ATP9B: variants seen among roughly 807,000 people sequenced by gnomAD.
The protein encoded by ATP9B is probable phospholipid-transporting ATPase IIB.
A neutral mutation model predicts 146.1 loss-of-function variants in ATP9B; 110 were observed. The ratio of observed to expected loss-of-function variants is 0.75; its 90% CI spans 0.65 to 0.88. The LOEUF (loss-of-function observed/expected upper bound fraction) is 0.88. Ranked by LOEUF, ATP9B falls within the 40% of genes least tolerant of loss-of-function variation. The probability of loss-of-function intolerance (pLI) is 0.00; values close to 1 mark genes in which losing one functional copy is unlikely to be tolerated. For synonymous variants in ATP9B, 604 were observed against 569.7 expected, an observed-to-expected ratio of 1.06 and a Z score of -0.86; for missense variants, 1,499 against 1,496.4, an observed-to-expected ratio of 1.00 and a Z score of -0.03.
chr18:79,223,678 A>G (rs942697398), intron 11 of ATP9B, among the ~76,000 whole-genome samples: 4 of 152,230 alleles, frequency 2.6e-5, no homozygotes, highest in African/African-American at 9.6e-5. Flanking sequence ...TTTGGGGTAC[A>G]TTAGCACAGC....
rs2096381096 is a variant in ATP9B, at chr18:79,281,918, C to T, written c.1411+4722C>T. Among the ~76,000 whole-genome samples the T allele has an allele frequency of 2.0e-5, 3 of 152,328 alleles. No homozygotes were observed. In the South Asian group the frequency reaches 6.2e-4, roughly 32 times the overall value. The stretch of plus-strand genomic sequence containing the variant: ...AATTGAACACCTTCTGGAAAGGATT[C>T]ACGATTCCAGTTGCCATTAAGAACA... On this transcript the variant is annotated intron_variant, in intron 13 of 29. Transcript: ENST00000426216.
At chr18:79,300,938 G>A (rs750308663) in intron 13 of ATP9B, among the ~76,000 whole-genome samples, 8 of 152,248 alleles carry the variant, frequency 5.3e-5, no homozygotes, top group East Asian at 3.9e-4. Flanking sequence ...GCCTCATTAC[G>A]ATTCCCCACC....
intron 11 of ATP9B, among the ~76,000 whole-genome samples, chr18:79,247,421 A>G (rs2095978690): frequency 6.6e-6 from 1 of 152,248 alleles, no homozygotes; most frequent in African/African-American, 2.4e-5. Flanking sequence ...GCCAGTATTG[A>G]CATTTCTCAA....
At chr18:79,093,421 G>A (rs1002653155) in intron 1 of ATP9B, among the ~76,000 whole-genome samples, 4 of 152,184 alleles carry the variant, frequency 2.6e-5, no homozygotes, top group Non-Finnish European at 4.4e-5. Flanking sequence ...CATTTGAATC[G>A]ATGTTCCTCT....
intron 11 of ATP9B, among the ~76,000 whole-genome samples, chr18:79,221,126 CTG>C (rs1442077438): frequency 2.0e-5 from 3 of 152,224 alleles, no homozygotes; most frequent in Admixed American, 6.5e-5. Context: ...GCCCATAAGA[CTG>C]TGTGGCCGAG....
At chr18:79,248,498 T>C (rs1231342677) in intron 11 of ATP9B, among the ~76,000 whole-genome samples, 2 of 152,348 alleles carry the variant, frequency 1.3e-5, no homozygotes, top group African/African-American at 2.4e-5. Flanking sequence ...CCTATATCAG[T>C]TTTGTAGTCA....
At chr18:79,090,794 C>T (rs925479996) in intron 1 of ATP9B, among the ~76,000 whole-genome samples, 9 of 152,066 alleles carry the variant, frequency 5.9e-5, no homozygotes, top group African/African-American at 1.4e-4. Context: ...GATGCTATCT[C>T]GTTTGTCCAT....
At chr18:79,153,653 CTT>C (rs10618228) in intron 6 of ATP9B, among the ~76,000 whole-genome samples, 78,976 of 142,958 alleles carry the variant, frequency 0.55, 22,625 homozygotes, top group African/African-American at 0.77. Flanking sequence ...AGACATAAAG[CTT>C]TTTTTTTTTT....
intron 2 of ATP9B, among the ~76,000 whole-genome samples, chr18:79,101,428 G>C (rs1477681294): frequency 1.3e-5 from 2 of 152,120 alleles, no homozygotes; most frequent in Non-Finnish European, 2.9e-5. Context: ...AGCCATCCAA[G>C]CTGTTGTGTA....
At chr18:79,085,013 A>C (rs2073671251) in intron 1 of ATP9B, 1 of 152,212 alleles carries the variant, frequency 6.6e-6, no homozygotes, top group Non-Finnish European at 1.5e-5. Context: ...TACAAAAAAA[A>C]AAAAAAGGTT....
intron 25 of ATP9B, among the ~76,000 whole-genome samples, chr18:79,355,810 C>T (rs746411805): frequency 6.6e-6 from 1 of 152,170 alleles, no homozygotes; most frequent in Non-Finnish European, 1.5e-5. Flanking sequence ...GTCAAATTCA[C>T]ACCAAGATAA....
intron 11 of ATP9B, among the ~76,000 whole-genome samples, chr18:79,214,617 T>C (rs998421024): frequency 6.6e-6 from 1 of 152,248 alleles, no homozygotes; most frequent in African/African-American, 2.4e-5. Flanking sequence ...GTTGCTATCA[T>C]CATGATACCA....
intron 7 of ATP9B, among the ~76,000 whole-genome samples, chr18:79,170,768 G>A (rs2095058552): frequency 1.3e-5 from 2 of 152,192 alleles, no homozygotes; most frequent in African/African-American, 4.8e-5. Context: ...TTCGTCTGCT[G>A]AGCTACTTGA....
chr18:79,176,854 G>T lies in ATP9B; in HGVS notation c.820G>T (p.Asp274Tyr). The change falls in exon 8 of 30, where the codon GAC (aspartate) becomes TAC (tyrosine). Residue 274 changes from aspartate to tyrosine, a missense_variant. Transcript: ENST00000426216. The stretch of plus-strand genomic sequence containing the variant: ...AACTGATCAACTAGATGGTGAAACT[G>T]ACTGGAAGCTGAAGGTGGCAGTGAG... ...IRTDQLDGET[D>Y]WKLKVAVSCT... The T allele has an allele frequency of 6.2e-7, 1 of 1,614,150 alleles. No homozygotes were observed. The highest frequency in any genetic ancestry group is 1.1e-5 in the South Asian group (1 of 91,048).
chr18:79,327,953 G>A (rs1313420246), intron 15 of ATP9B, among the ~76,000 whole-genome samples: 4 of 127,428 alleles, frequency 3.1e-5, no homozygotes, highest in African/African-American at 9.2e-5. Flanking sequence ...TCCGTGGTTA[G>A]CGTGCTCTCC....
rs1195058555 is a variant in ATP9B, at chr18:79,216,490, A to T, written c.1107+2452A>T. On this transcript the variant is annotated intron_variant, in intron 11 of 29. Transcript: ENST00000426216. Reference sequence around the variant, plus strand: ...AGTACTTGCTACATGACAGATGCTCAGTAAATGTTAGCTGTAATTTTTATT... The same window carrying T: ...AGTACTTGCTACATGACAGATGCTCTGTAAATGTTAGCTGTAATTTTTATT... Among the ~76,000 whole-genome samples, 48 of 152,228 alleles carry T rather than the reference A, an allele frequency of 3.2e-4. 2 individuals are homozygous for T. The highest frequency in any genetic ancestry group is 3.1e-3 in the Admixed American group (48 of 15,282).
intron 7 of ATP9B, among the ~76,000 whole-genome samples, chr18:79,164,242 T>C (rs2094929696): frequency 1.3e-5 from 2 of 152,318 alleles, no homozygotes; most frequent in African/African-American, 4.8e-5. Flanking sequence ...TTTTAAAGTA[T>C]ATGTAATCAG....
At chr18:79,224,251 T>C (rs946820585) in intron 11 of ATP9B, among the ~76,000 whole-genome samples, 1 of 152,232 alleles carries the variant, frequency 6.6e-6, no homozygotes, top group African/African-American at 2.4e-5. Context: ...CTGTTAGAAA[T>C]GTATGGACCT....
At chr18:79,141,280 T>C (rs1180566287) in intron 5 of ATP9B, among the ~76,000 whole-genome samples, 1 of 152,192 alleles carries the variant, frequency 6.6e-6, no homozygotes, top group Non-Finnish European at 1.5e-5. Flanking sequence ...TTCACCATTA[T>C]TGATTGTAAG....
Sources: gnomAD v4.1 joint callset for allele counts (sites outside exome capture counted in the v4.1 genomes callset) on GRCh38, gnomAD v4.1.1 for gene constraint, MANE v1.5 for transcripts, NCBI Gene and HGNC (gene_info 2026-07-23, HGNC 2026-07-21) for gene names.